The following ANO3 variants were observed in gnomAD, a reference collection of about 807,000 sequenced individuals.
ANO3 encodes the protein anoctamin 3.
In ANO3, 99 loss-of-function variants were observed where a neutral mutation model predicts 144.8. That is an observed-to-expected ratio of 0.68 (90% CI 0.58 to 0.81). ANO3 has a LOEUF of 0.81. Among genes scored for constraint, ANO3 ranks in the 30% least tolerant of loss-of-function variants. The pLI is 0.00. For missense variants in ANO3, 905 were observed against 1,202.2 expected (o/e 0.75, Z 3.66); for synonymous variants, 414 against 392.6 (o/e 1.05, Z -0.64).
At chr11:26,454,436 A>T (rs530529292) in intron 3 of ANO3, among the ~76,000 whole-genome samples, 1 of 152,330 alleles carries the variant, frequency 6.6e-6, no homozygotes, top group African/African-American at 2.4e-5. Flanking sequence ...CCATCAGAGA[A>T]TACTACAAAC....
At chr11:26,363,325 A>T (rs1234615519) in intron 1 of ANO3, among the ~76,000 whole-genome samples, 1 of 152,206 alleles carries the variant, frequency 6.6e-6, no homozygotes, top group Non-Finnish European at 1.5e-5. Flanking sequence ...CCATAACAAA[A>T]TACTAAATAC....
intron 1 of ANO3, among the ~76,000 whole-genome samples, chr11:26,299,812 T>C (rs1854183187): frequency 6.6e-6 from 1 of 152,190 alleles, no homozygotes; most frequent in Admixed American, 6.5e-5. Context: ...AGTTCGTTTA[T>C]CTAGACTATC....
At chr11:26,523,879 C>T (rs1329952916) in intron 6 of ANO3, among the ~76,000 whole-genome samples, 1 of 152,038 alleles carries the variant, frequency 6.6e-6, no homozygotes, top group African/African-American at 2.4e-5. Context: ...TATAATATTC[C>T]TAACCATATC....
intron 1 of ANO3, among the ~76,000 whole-genome samples, chr11:26,420,449 A>G (rs910839724): frequency 6.6e-6 from 1 of 151,996 alleles, no homozygotes; most frequent in Non-Finnish European, 1.5e-5. Context: ...ATATCTAAGG[A>G]CTGCAACAAT....
intron 22 of ANO3, 49 bp downstream of exon 22, chr11:26,642,078 T>G (rs1344652348): frequency 6.3e-7 from 1 of 1,582,818 alleles, no homozygotes; most frequent in Non-Finnish European, 8.6e-7. Flanking sequence ...GATACAATTT[T>G]TCTACTTCAC....
chr11:26,635,152 G>A, intron 20 of ANO3, 82 bp downstream of exon 20: 1 of 1,288,162 alleles, frequency 7.8e-7, no homozygotes, highest in South Asian at 1.3e-5. Flanking sequence ...CTGAAGAAAG[G>A]AGAAGTTCAG....
chr11:26,254,210 A>G (rs551001008), intron 1 of ANO3, among the ~76,000 whole-genome samples: 2 of 152,300 alleles, frequency 1.3e-5, no homozygotes, highest in African/African-American at 2.4e-5. Flanking sequence ...CAAATTGTGC[A>G]CTAAAGTAAA....
chr11:26,331,799 T>C, upstream of ANO3: 1 of 159,088 alleles, frequency 6.3e-6, no homozygotes, highest in South Asian at 1.9e-4. Context: ...CATCTGCCAC[T>C]GCATACCCTC....
chr11:26,219,933 G>A (rs1852109307), intron 1 of ANO3, among the ~76,000 whole-genome samples: 3 of 152,172 alleles, frequency 2.0e-5, no homozygotes, highest in Admixed American at 2.0e-4. Context: ...TTGGCATGCT[G>A]AACTCAAATA....
At chr11:26,378,418 T>C (rs1856477057) in intron 1 of ANO3, among the ~76,000 whole-genome samples, 1 of 36,148 alleles carries the variant, frequency 2.8e-5, no homozygotes, top group Non-Finnish European at 7.8e-5. Context: ...ATATATATTA[T>C]TTATCTATCT....
intron 1 of ANO3, among the ~76,000 whole-genome samples, chr11:26,297,207 G>GTGTGTGTGTA (rs1368791565): frequency 4.1e-4 from 62 of 152,066 alleles, no homozygotes; most frequent in African/African-American, 1.4e-3. Context: ...GTGTGTGTGT[G>GTGTGTGTGTA]TGTGAATTTC....
chr11:26,442,382 A>G (rs528500900), intron 2 of ANO3, among the ~76,000 whole-genome samples: 69 of 152,340 alleles, frequency 4.5e-4, no homozygotes, highest in African/African-American at 1.5e-3. Context: ...ACATTTGGCC[A>G]CTGTTTGCAT....
At position 26,662,245 on chromosome 11, in the gene ANO3, T is replaced by A. The variant is rs1460162473; in HGVS notation, c.*1801T>A. 1 of 152,032 alleles carries A rather than the reference T, an allele frequency of 6.6e-6. No individual in the cohort carries two copies. The highest frequency in any genetic ancestry group is 6.6e-5 in the Admixed American group (1 of 15,210). 9.4% of individuals were successfully genotyped at this position (152,032 alleles called of 1,614,324 possible). A position where few individuals can be genotyped will look rare whatever the true frequency, so the allele number is the denominator to read the frequency against. On this transcript the variant is annotated 3_prime_UTR_variant, in exon 27 of 27. Transcript: ENST00000256737. Reference sequence around the variant, plus strand: ...TGATTCTGAGCAAAGGGCCTCAGACTCTGAACTTCCCTCAAGTGCCGTTGT... The same window carrying A: ...TGATTCTGAGCAAAGGGCCTCAGACACTGAACTTCCCTCAAGTGCCGTTGT...
intron 1 of ANO3, among the ~76,000 whole-genome samples, chr11:26,398,441 A>G (rs1436011495): frequency 6.6e-6 from 1 of 152,156 alleles, no homozygotes; most frequent in Non-Finnish European, 1.5e-5. Context: ...GCAATGTTTT[A>G]TGACTAAAAA....
At chr11:26,434,796 G>A (rs1385572439) in intron 1 of ANO3, among the ~76,000 whole-genome samples, 1 of 152,060 alleles carries the variant, frequency 6.6e-6, no homozygotes, top group Non-Finnish European at 1.5e-5. Context: ...AGTGTGTTTG[G>A]TATCATTTTG....
At chr11:26,465,804 A>G (rs565846646) in intron 4 of ANO3, among the ~76,000 whole-genome samples, 1 of 152,028 alleles carries the variant, frequency 6.6e-6, no homozygotes, top group African/African-American at 2.4e-5. Flanking sequence ...TCATTGTGCA[A>G]ACATTTTCTG....
At chr11:26,340,517 C>A (rs1192507178) in intron 1 of ANO3, among the ~76,000 whole-genome samples, 1 of 152,174 alleles carries the variant, frequency 6.6e-6, no homozygotes, top group African/African-American at 2.4e-5. Flanking sequence ...TCTAGACCTA[C>A]CGAATCTAAA....
intron 14 of ANO3, among the ~76,000 whole-genome samples, chr11:26,595,469 T>TTTTTTTTG (rs1851590899): frequency 2.1e-5 from 3 of 144,622 alleles, no homozygotes; most frequent in Admixed American, 7.0e-5. Context: ...TGTTTTTTTT[T>TTTTTTTTG]TTTTTTTTTT....
intron 1 of ANO3, among the ~76,000 whole-genome samples, chr11:26,362,753 C>G (rs909895473): frequency 3.3e-5 from 5 of 152,112 alleles, no homozygotes; most frequent in Non-Finnish European, 7.4e-5. Context: ...TTGTTAGTTG[C>G]TATTTTTTTA....
Sources: gnomAD v4.1 joint callset for allele counts (sites outside exome capture counted in the v4.1 genomes callset) on GRCh38, gnomAD v4.1.1 for gene constraint, MANE v1.5 for transcripts, NCBI Gene and HGNC (gene_info 2026-07-23, HGNC 2026-07-21) for gene names.